AUTS2: variants seen among roughly 807,000 people sequenced by gnomAD.
AUTS2 encodes activator of transcription and developmental regulator AUTS2.
In AUTS2, 17 loss-of-function variants were observed where a neutral mutation model predicts 112.4. The observed-to-expected ratio is 0.15, with a 90% CI of 0.10 to 0.23. The LOEUF is 0.23. AUTS2 is among the 10% of genes least tolerant of loss of function. The pLI is 1.00. For synonymous variants in AUTS2, 751 were observed against 702.7 expected (o/e 1.07, Z -1.09); for missense variants, 1,510 against 1,701.6 (o/e 0.89, Z 1.98).
intron 5 of AUTS2, among the ~76,000 whole-genome samples, chr7:70,612,031 T>C (rs907423361): frequency 7.9e-5 from 12 of 152,186 alleles, no homozygotes; most frequent in Admixed American, 4.6e-4. Flanking sequence ...GTATAATGTA[T>C]ACACAAATGT....
intron 4 of AUTS2, among the ~76,000 whole-genome samples, chr7:70,365,322 G>T (rs1391862512): frequency 6.6e-6 from 1 of 152,118 alleles, no homozygotes; most frequent in Non-Finnish European, 1.5e-5. Context: ...TAAATATTTT[G>T]TGGTTTTATG....
intron 1 of AUTS2, among the ~76,000 whole-genome samples, chr7:69,762,804 T>C (rs2129288388): frequency 6.6e-6 from 1 of 152,340 alleles, no homozygotes; most frequent in South Asian, 2.1e-4. Context: ...TCTTTTATTC[T>C]GGAATGACAT....
chr7:69,600,408 C>CGT (rs113179115), intron 1 of AUTS2, among the ~76,000 whole-genome samples: 37,045 of 143,192 alleles, frequency 0.26, 5,136 homozygotes, highest in Non-Finnish European at 0.32. Flanking sequence ...GTCATATGTT[C>CGT]GTGTGTGTGT....
intron 1 of AUTS2, among the ~76,000 whole-genome samples, chr7:69,803,359 GC>G (rs1385621303): frequency 6.6e-6 from 1 of 152,114 alleles, no homozygotes; most frequent in Non-Finnish European, 1.5e-5. Flanking sequence ...GCCAGTGGGG[GC>G]CATCTAGAAG....
At chr7:70,731,912 A>G (rs1331609777) in intron 6 of AUTS2, among the ~76,000 whole-genome samples, 4 of 152,174 alleles carry the variant, frequency 2.6e-5, no homozygotes, top group Non-Finnish European at 5.9e-5. Context: ...TCCGAGGAAT[A>G]AGGGTAATGT....
At chr7:70,445,134 G>A (rs932964540) in intron 5 of AUTS2, among the ~76,000 whole-genome samples, 5 of 152,072 alleles carry the variant, frequency 3.3e-5, no homozygotes, top group South Asian at 4.2e-4. Flanking sequence ...ATACACCATC[G>A]TTGACCATGT....
At chr7:70,205,608 A>G (rs1049934120) in intron 4 of AUTS2, among the ~76,000 whole-genome samples, 2 of 152,226 alleles carry the variant, frequency 1.3e-5, no homozygotes, top group South Asian at 2.1e-4. Flanking sequence ...CCTAGGAGCA[A>G]TAGGCTATAC....
chr7:70,771,713 A>C, intron 11 of AUTS2, 69 bp downstream of exon 11: 1 of 1,392,518 alleles, frequency 7.2e-7, no homozygotes. Flanking sequence ...GCGTGCAGGA[A>C]GTTCTGCGTC....
intron 5 of AUTS2, among the ~76,000 whole-genome samples, chr7:70,602,400 C>G (rs1196562893): frequency 9.2e-5 from 14 of 152,144 alleles, no homozygotes; most frequent in South Asian, 4.2e-4. Context: ...TCATCGGGCA[C>G]TTTTACCTTA....
intron 4 of AUTS2, among the ~76,000 whole-genome samples, chr7:70,208,342 A>G (rs1362970375): frequency 6.6e-6 from 1 of 152,200 alleles, no homozygotes; most frequent in Non-Finnish European, 1.5e-5. Flanking sequence ...CCATGACATC[A>G]CTATGTTATT....
At chr7:69,616,439 G>A (rs914992938) in intron 1 of AUTS2, among the ~76,000 whole-genome samples, 1 of 152,082 alleles carries the variant, frequency 6.6e-6, no homozygotes, top group Non-Finnish European at 1.5e-5. Context: ...GTAGGTCCTA[G>A]AGGCCGAGGG....
At position 69,723,759 on chromosome 7, in the gene AUTS2, A is replaced by C. The variant is rs375093103; in HGVS notation, c.309+123797A>C. Among the ~76,000 whole-genome samples, 24 of 152,320 alleles carry C rather than the reference A, an allele frequency of 1.6e-4. No individual in the cohort carries two copies. In the East Asian group the frequency reaches 4.1e-3, roughly 26 times the overall value. On this transcript the variant is annotated intron_variant, in intron 1 of 18. Coordinates refer to ENST00000342771, the MANE Select transcript of AUTS2 (RefSeq NM_015570.4). ...AGTGACTTGGTGGCAGAGTGCTAGA[A>C]ATGATTCATTGGGTGGACTATTGAG...
intron 2 of AUTS2, among the ~76,000 whole-genome samples, chr7:69,951,543 T>A (rs1379355046): frequency 1.3e-5 from 2 of 152,262 alleles, no homozygotes; most frequent in East Asian, 3.9e-4. Flanking sequence ...CGTTTTGCAT[T>A]TGGCTTTTTT....
At chr7:69,851,217 C>T (rs755706344) in intron 1 of AUTS2, among the ~76,000 whole-genome samples, 109 of 152,112 alleles carry the variant, frequency 7.2e-4, no homozygotes, top group Non-Finnish European at 1.2e-3. Context: ...TCTGTCCCTT[C>T]GCCAGTCCCT....
chr7:70,695,626 G>A (rs1401789971), intron 5 of AUTS2, among the ~76,000 whole-genome samples: 1 of 152,258 alleles, frequency 6.6e-6, no homozygotes, highest in East Asian at 1.9e-4. Context: ...GGGTGGGCCT[G>A]AAGCAGGAAT....
rs35390538 is a variant in AUTS2 at position 70,713,340 on chromosome 7, G to T, written c.742+14720G>T. On this transcript the variant is annotated intron_variant, in intron 6 of 18. Coordinates refer to ENST00000342771, the MANE Select transcript of AUTS2 (RefSeq NM_015570.4). Reference sequence around the variant, plus strand: ...TTCTGTTTTAAACTGCTTTATCCAGGATTGTAGAACAATGGGCAGAAGTGT... The same window carrying T: ...TTCTGTTTTAAACTGCTTTATCCAGTATTGTAGAACAATGGGCAGAAGTGT... Among the ~76,000 whole-genome samples, 54 of 152,248 alleles carry T rather than the reference G, an allele frequency of 3.5e-4. 1 individual carries two copies. In the South Asian group the frequency reaches 8.9e-3, roughly 25 times the overall value.
At chr7:70,175,866 CTT>C (rs1319104722) in intron 4 of AUTS2, among the ~76,000 whole-genome samples, 3 of 152,088 alleles carry the variant, frequency 2.0e-5, no homozygotes, top group Non-Finnish European at 4.4e-5. Flanking sequence ...ATGTTAATAA[CTT>C]AACATAATTT....
intron 5 of AUTS2, among the ~76,000 whole-genome samples, chr7:70,537,992 T>C (rs543202052): frequency 1.1e-4 from 17 of 152,284 alleles, no homozygotes; most frequent in Admixed American, 3.3e-4. Context: ...CTCACACCTG[T>C]CATCCCAGCA....
intron 2 of AUTS2, among the ~76,000 whole-genome samples, chr7:70,066,978 A>G (rs1432324315): frequency 6.6e-6 from 1 of 152,250 alleles, no homozygotes; most frequent in East Asian, 1.9e-4. Flanking sequence ...GGAGTGTGAT[A>G]ATATCGAAGT....
Sources: allele counts gnomAD v4.1 joint callset (sites outside exome capture counted in the v4.1 genomes callset), GRCh38; gene constraint gnomAD v4.1.1; transcripts MANE v1.5; gene names NCBI Gene and HGNC (gene_info 2026-07-23, HGNC 2026-07-21).